CLYBL: variants seen among roughly 807,000 people sequenced by gnomAD.
CLYBL encodes the protein citramalyl-CoA lyase.
A neutral mutation model predicts 38.9 loss-of-function variants in CLYBL; 31 were observed. That is an observed-to-expected ratio of 0.80 (90% CI 0.60 to 1.08). The LOEUF (loss-of-function observed/expected upper bound fraction) is 1.08, where lower values mean the gene tolerates loss of function less well. Among genes scored for constraint, CLYBL ranks in the 50% least tolerant of loss-of-function variants. The pLI is 0.00. For synonymous variants in CLYBL, 171 were observed against 158.6 expected, an observed-to-expected ratio of 1.08 and a Z score of -0.59; for missense variants, 434 against 411.6, an observed-to-expected ratio of 1.05 and a Z score of -0.47.
At chr13:99,665,800 T>C (rs555004120) in intron 1 of CLYBL, among the ~76,000 whole-genome samples, 4 of 152,342 alleles carry the variant, frequency 2.6e-5, no homozygotes, top group Admixed American at 2.0e-4. Context: ...ATGGTCAAAC[T>C]GTTGGACTGA....
chr13:99,821,565 T>C (rs1359245712), intron 2 of CLYBL, among the ~76,000 whole-genome samples: 1 of 152,266 alleles, frequency 6.6e-6, no homozygotes, highest in Non-Finnish European at 1.5e-5. Flanking sequence ...ACCAAGATAC[T>C]ACATATATGT....
At chr13:99,681,971 A>G (rs1318699961) in intron 1 of CLYBL, among the ~76,000 whole-genome samples, 4 of 152,170 alleles carry the variant, frequency 2.6e-5, no homozygotes, top group Non-Finnish European at 4.4e-5. Flanking sequence ...ATCCTTAGGC[A>G]ATTTCATCGT....
chr13:99,808,336 T>C (rs2050273275), intron 2 of CLYBL, among the ~76,000 whole-genome samples: 1 of 152,142 alleles, frequency 6.6e-6, no homozygotes, highest in Non-Finnish European at 1.5e-5. Flanking sequence ...TCAGCCTGCC[T>C]CGGCCTCCCA....
chr13:99,718,002 G>A (rs1315308585), intron 1 of CLYBL, among the ~76,000 whole-genome samples: 1 of 151,974 alleles, frequency 6.6e-6, no homozygotes, highest in Non-Finnish European at 1.5e-5. Flanking sequence ...CCATAAAGTT[G>A]TTTTTAGCAT....
At chr13:99,862,858 A>ATTCT (rs1441521271) in intron 3 of CLYBL, 133 bp from the exon 4 acceptor site, 1 of 433,292 alleles carries the variant, frequency 2.3e-6, no homozygotes. Context: ...TTTTAAAAAA[A>ATTCT]TTCTTTTGTG....
intron 1 of CLYBL, among the ~76,000 whole-genome samples, chr13:99,663,795 A>G (rs1312008709): frequency 6.6e-6 from 1 of 152,064 alleles, no homozygotes; most frequent in African/African-American, 2.4e-5. Context: ...GCCCCTAGGG[A>G]CCCCGTTTTA....
At chr13:99,701,878 G>T (rs1159254088) in intron 1 of CLYBL, among the ~76,000 whole-genome samples, 2 of 151,930 alleles carry the variant, frequency 1.3e-5, no homozygotes, top group East Asian at 3.9e-4. Flanking sequence ...CACCATGTTG[G>T]CCAGGCTGGT....
intron 1 of CLYBL, among the ~76,000 whole-genome samples, chr13:99,734,844 G>A (rs973154333): frequency 3.3e-5 from 5 of 151,968 alleles, no homozygotes; most frequent in South Asian, 4.2e-4. Context: ...AAAGATTTCC[G>A]TTCTTCTCAC....
chr13:99,612,689 G>A (rs1257164140), intron 1 of CLYBL, among the ~76,000 whole-genome samples: 1 of 151,924 alleles, frequency 6.6e-6, no homozygotes, highest in African/African-American at 2.4e-5. Flanking sequence ...CACCCATCCG[G>A]GGTCTACTTT....
intron 2 of CLYBL, among the ~76,000 whole-genome samples, chr13:99,784,449 C>CTCTTTTTTTTTTTTTTTTTTTTTT (rs71121010): frequency 1.9e-5 from 1 of 52,098 alleles, no homozygotes; most frequent in Non-Finnish European, 3.8e-5. Context: ...AAAATTCTCT[C>CTCTTTTTTTTTTTTTTTTTTTTTT]TTTTTTTTTT....
chr13:99,682,944 G>T (rs2047758843), intron 1 of CLYBL, among the ~76,000 whole-genome samples: 1 of 151,972 alleles, frequency 6.6e-6, no homozygotes. Context: ...CGCCATGTTG[G>T]CCAGGCTGGT....
At chr13:99,887,991 G>GC (rs1379251440) in intron 7 of CLYBL, among the ~76,000 whole-genome samples, 1 of 152,118 alleles carries the variant, frequency 6.6e-6, no homozygotes, top group East Asian at 1.9e-4. Context: ...GTGTAGCTGG[G>GC]ATTACAGGCA....
intron 2 of CLYBL, among the ~76,000 whole-genome samples, chr13:99,823,874 G>A (rs573052624): frequency 7.2e-5 from 11 of 152,250 alleles, no homozygotes; most frequent in South Asian, 2.1e-4. Context: ...CCAGTAAATC[G>A]TTCTGGTAGT....
chr13:99,728,764 G>A (rs749541875), intron 1 of CLYBL, among the ~76,000 whole-genome samples: 2 of 151,420 alleles, frequency 1.3e-5, no homozygotes, highest in South Asian at 2.1e-4. Flanking sequence ...TTTTGTTTTT[G>A]TAGAGATGGA....
chr13:99,666,310 G>C (rs2047480590), intron 1 of CLYBL, among the ~76,000 whole-genome samples: 1 of 152,148 alleles, frequency 6.6e-6, no homozygotes, highest in East Asian at 1.9e-4. Context: ...TCAGTAAGGG[G>C]CCAAGTGCTG....
intron 1 of CLYBL, among the ~76,000 whole-genome samples, chr13:99,620,381 A>G (rs1005451368): frequency 2.0e-5 from 3 of 152,188 alleles, no homozygotes; most frequent in African/African-American, 7.2e-5. Context: ...TGCCTGTTCT[A>G]GGGCCCATCA....
chr13:99,863,452 A>G (rs1269364606), intron 4 of CLYBL, among the ~76,000 whole-genome samples: 2 of 145,988 alleles, frequency 1.4e-5, no homozygotes, highest in African/African-American at 5.0e-5. Flanking sequence ...TAACTTTGAA[A>G]TGTTCTTTTC....
At chr13:99,729,023 G>A (rs1157691158) in intron 1 of CLYBL, among the ~76,000 whole-genome samples, 2 of 152,226 alleles carry the variant, frequency 1.3e-5, no homozygotes, top group Admixed American at 6.5e-5. Flanking sequence ...GTTCTGCAGG[G>A]CCTTGCTATG....
In CLYBL at chr13:99,650,398, G is replaced by A. The variant is rs138857565; in HGVS notation, c.62+43641G>A. ...GGTTGTCCCACCGTACTCCAGCCTG[G>A]GTGACAGAATGAGACCCTGTCTCAA... On this transcript the variant is annotated intron_variant, in intron 1 of 8. Transcript: ENST00000339105. 2.7e-3 allele frequency among the ~76,000 whole-genome samples: 414 copies of A among 152,298 alleles called. 5 individuals are homozygous for A. Among genetic ancestry groups the A allele is most frequent in the Non-Finnish European group, 3.5e-3 (237 of 68,026 alleles).
Sources: allele counts gnomAD v4.1 joint callset (sites outside exome capture counted in the v4.1 genomes callset), GRCh38; gene constraint gnomAD v4.1.1; transcripts MANE v1.5; gene names NCBI Gene and HGNC (gene_info 2026-07-23, HGNC 2026-07-21).